RANBP10: variants seen among roughly 807,000 people sequenced by gnomAD.
The protein encoded by RANBP10 is RAN binding protein 10.
A neutral mutation model predicts 72.8 loss-of-function variants in RANBP10; 24 were observed. The ratio of observed to expected loss-of-function variants is 0.33; its 90% CI spans 0.24 to 0.46. The LOEUF (loss-of-function observed/expected upper bound fraction) is 0.46, where lower values mean the gene tolerates loss of function less well. Among genes scored for constraint, RANBP10 ranks in the 20% least tolerant of loss-of-function variants. The pLI is 1.00. For missense variants in RANBP10, 679 were observed against 817.5 expected (o/e 0.83, Z 2.07); for synonymous variants, 310 against 322.3 (o/e 0.96, Z 0.41).
intron 3 of RANBP10, among the ~76,000 whole-genome samples, chr16:67,754,230 C>T (rs2054247919): frequency 6.6e-6 from 1 of 152,000 alleles, no homozygotes; most frequent in Admixed American, 6.6e-5. Flanking sequence ...TCCAAGTAGC[C>T]AGCGGCTGAA....
intron 1 of RANBP10, 121 bp downstream of exon 1, chr16:67,806,181 G>C: frequency 2.0e-6 from 2 of 982,676 alleles, no homozygotes; most frequent in Non-Finnish European, 3.0e-6. Context: ...ATCCTGAAAG[G>C]GCCAAGCCCT....
intron 2 of RANBP10, among the ~76,000 whole-genome samples, chr16:67,781,737 G>A (rs1017767132): frequency 2.0e-5 from 3 of 152,178 alleles, no homozygotes; most frequent in Admixed American, 6.5e-5. Flanking sequence ...CACAATGCAA[G>A]GTGGAGATAC....
intron 2 of RANBP10, among the ~76,000 whole-genome samples, chr16:67,788,305 T>G (rs1483055161): frequency 6.6e-6 from 1 of 151,916 alleles, no homozygotes; most frequent in Admixed American, 6.6e-5. Context: ...CAGGCTGGAG[T>G]GCAGTGGTGC....
chr16:67,746,248 G>A (rs2054074666), intron 3 of RANBP10, among the ~76,000 whole-genome samples: 1 of 152,130 alleles, frequency 6.6e-6, no homozygotes, highest in Non-Finnish European at 1.5e-5. Flanking sequence ...TTGGGAGGAC[G>A]AGGCGAGCGG....
intron 3 of RANBP10, among the ~76,000 whole-genome samples, chr16:67,748,054 T>G (rs2054121604): frequency 6.7e-6 from 1 of 150,042 alleles, no homozygotes; most frequent in African/African-American, 2.5e-5. Flanking sequence ...CTTGATCTCC[T>G]GACCTCACGA....
rs554044791 is a variant in RANBP10, at chr16:67,788,755, C to T, written c.348-16669G>A. On this transcript the variant is annotated intron_variant, in intron 2 of 13. Coordinates refer to ENST00000317506, the MANE Select transcript of RANBP10 (RefSeq NM_020850.3). The stretch of plus-strand genomic sequence containing the variant: ...GTGGCTCACACCTATAATTCCAGCA[C>T]TTTGGGAGGCCGAGACGGGCAGATC... Among the ~76,000 whole-genome samples, 11 of 151,462 alleles carry T rather than the reference C, an allele frequency of 7.3e-5. No individual in the cohort carries two copies. The South Asian group carries it at 1.9e-3, about 26-fold the overall frequency.
At chr16:67,736,601 C>T (rs1314909370) in intron 5 of RANBP10, among the ~76,000 whole-genome samples, 1 of 152,222 alleles carries the variant, frequency 6.6e-6, no homozygotes, top group African/African-American at 2.4e-5. Flanking sequence ...AGGCCCGCCT[C>T]CTCCAGCAAG....
chr16:67,772,148 C>T (rs2054619650), intron 2 of RANBP10, 62 bp from the exon 3 acceptor site: 1 of 1,530,270 alleles, frequency 6.5e-7, no homozygotes, highest in East Asian at 2.3e-5. Flanking sequence ...ATGCGTCTCC[C>T]TTCTCAAACA....
intron 3 of RANBP10, among the ~76,000 whole-genome samples, chr16:67,751,904 A>AG (rs2054204899): frequency 6.6e-6 from 1 of 152,148 alleles, no homozygotes. Context: ...AAGAAAAAAA[A>AG]AAGAAAGAAT....
At chr16:67,744,521 A>G in intron 3 of RANBP10, 66 bp from the exon 4 acceptor site, 1 of 1,487,396 alleles carries the variant, frequency 6.7e-7, no homozygotes, top group Non-Finnish European at 9.1e-7. Context: ...AAGTCACAGA[A>G]GCCCACCCAG....
At chr16:67,765,451 G>A (rs943015128) in intron 3 of RANBP10, among the ~76,000 whole-genome samples, 9 of 151,272 alleles carry the variant, frequency 5.9e-5, no homozygotes, top group African/African-American at 1.7e-4. Context: ...GCTTGAACCC[G>A]GGAGGCGAAG....
At chr16:67,737,085 G>C (rs2053862149) in intron 5 of RANBP10, among the ~76,000 whole-genome samples, 1 of 151,782 alleles carries the variant, frequency 6.6e-6, no homozygotes, top group Non-Finnish European at 1.5e-5. Context: ...TACAGGTGCG[G>C]GATGGCTGGA....
intron 2 of RANBP10, among the ~76,000 whole-genome samples, chr16:67,802,094 C>CA (rs11349499): frequency 0.084 from 10,141 of 121,380 alleles, 470 homozygotes; most frequent in Non-Finnish European, 0.13. Flanking sequence ...GACCCTGCCT[C>CA]AAAAAAAAAA....
At chr16:67,786,017 T>C (rs542300725) in intron 2 of RANBP10, among the ~76,000 whole-genome samples, 1 of 135,798 alleles carries the variant, frequency 7.4e-6, no homozygotes, top group Non-Finnish European at 1.6e-5. Context: ...TAATAATAAT[T>C]AAAAAAAAAA....
chr16:67,771,941 A>G, intron 3 of RANBP10, 93 bp downstream of exon 3: 3 of 1,464,006 alleles, frequency 2.0e-6, no homozygotes, highest in East Asian at 4.6e-5. Flanking sequence ...GCTAGCAAAC[A>G]AAGTCCTCCC....
At chr16:67,778,306 G>A (rs2054746625) in intron 2 of RANBP10, among the ~76,000 whole-genome samples, 1 of 151,790 alleles carries the variant, frequency 6.6e-6, no homozygotes, top group African/African-American at 2.4e-5. Flanking sequence ...CCAAGATCGC[G>A]CCACTGCACT....
intron 3 of RANBP10, among the ~76,000 whole-genome samples, chr16:67,762,276 A>G (rs1307434908): frequency 6.6e-6 from 1 of 152,210 alleles, no homozygotes; most frequent in Non-Finnish European, 1.5e-5. Context: ...CTAAAAAGTA[A>G]GAATAACTAA....
In RANBP10 at chr16:67,795,123, G is replaced by T. The variant is rs959027327; in HGVS notation, c.347+10305C>A. 9.9e-5 allele frequency among the ~76,000 whole-genome samples: 15 copies of T among 151,964 alleles called. No homozygotes were observed. In the East Asian group the frequency reaches 2.7e-3, roughly 28 times the overall value. On this transcript the variant is annotated intron_variant, in intron 2 of 13. Transcript: ENST00000317506. Reference sequence around the variant, plus strand: ...AAATTAGCTGAGCATGATGGCATGTGCCTGTAGTCCCAGCTACTCAGGAGG... The same window carrying T: ...AAATTAGCTGAGCATGATGGCATGTTCCTGTAGTCCCAGCTACTCAGGAGG...
chr16:67,803,690 C>CATG (rs2055277491), intron 2 of RANBP10, among the ~76,000 whole-genome samples: 1 of 149,384 alleles, frequency 6.7e-6, no homozygotes, highest in South Asian at 2.1e-4. Context: ...GGCGTGGTGG[C>CATG]ATGCACCTGT....
Sources: allele counts gnomAD v4.1 joint callset (sites outside exome capture counted in the v4.1 genomes callset), GRCh38; gene constraint gnomAD v4.1.1; transcripts MANE v1.5; gene names NCBI Gene and HGNC (gene_info 2026-07-23, HGNC 2026-07-21).